PCSK6: variants seen among roughly 807,000 people sequenced by gnomAD.
PCSK6 encodes paired basic amino acid cleaving enzyme 4.
Under a neutral mutation model 123.3 loss-of-function variants are expected in PCSK6, and 85 were observed. The observed-to-expected ratio is 0.69, with a 90% CI of 0.58 to 0.83. PCSK6 has a LOEUF of 0.83. Among genes scored for constraint, PCSK6 ranks in the 40% least tolerant of loss-of-function variants. The pLI, the probability that PCSK6 is intolerant of heterozygous loss-of-function variation, is 0.00. For synonymous variants in PCSK6, 508 were observed against 516.0 expected, an observed-to-expected ratio of 0.98 and a Z score of 0.21; for missense variants, 1,191 against 1,282.3, an observed-to-expected ratio of 0.93 and a Z score of 1.09.
intron 20 of PCSK6, chr15:101,313,064 T>C (rs1246176545): frequency 2.3e-6 from 3 of 1,289,594 alleles, no homozygotes; most frequent in East Asian, 7.8e-5. Flanking sequence ...GTGCAAAGGA[T>C]GCATGCTGAG....
intron 8 of PCSK6, 107 bp downstream of exon 8, chr15:101,393,105 C>G: frequency 2.1e-6 from 2 of 950,972 alleles, no homozygotes; most frequent in Admixed American, 4.0e-5. Flanking sequence ...GGATCCGGAA[C>G]AATCTGGCCT....
chr15:101,489,466 C>A lies in PCSK6; in HGVS notation c.205G>T (p.Val69Phe), dbSNP rs1261841430. 1.1e-5 allele frequency: 12 copies of A among 1,105,990 alleles called. No homozygotes were observed. In the East Asian group the frequency reaches 6.2e-4, roughly 57 times the overall value. The allele number at this position is 1,105,990 out of a possible 1,614,324, so 68.5% of individuals were successfully genotyped here. A position where few individuals can be genotyped will look rare whatever the true frequency, so the allele number is the denominator to read the frequency against. ...AACSAPPPRP[V>F]YTNHWAVQVL... ...TGCACCGCCCAGTGGTTGGTGTAGA[C>A]GGGGCGCGGCGGGGGCGCGGAGCAG... The change falls in exon 1 of 22, where the codon GTC (valine) becomes TTC (phenylalanine). Residue 69 changes from valine to phenylalanine, a missense_variant. Physicochemically the swap from Val to Phe is conservative, Grantham distance 50. Coordinates refer to ENST00000611716, the MANE Select transcript of PCSK6 (RefSeq NM_002570.5).
intron 9 of PCSK6, among the ~76,000 whole-genome samples, chr15:101,388,470 C>T (rs1434078699): frequency 2.6e-5 from 4 of 152,266 alleles, no homozygotes; most frequent in South Asian, 4.1e-4. Context: ...ACTCCATGTG[C>T]GGTTAACTTG....
intron 12 of PCSK6, among the ~76,000 whole-genome samples, chr15:101,369,840 C>T (rs1217333005): frequency 6.6e-6 from 1 of 152,192 alleles, no homozygotes; most frequent in Non-Finnish European, 1.5e-5. Context: ...CCCCACATAC[C>T]ACCCGAGCCT....
chr15:101,325,046 C>A lies in PCSK6; in HGVS notation c.2181G>T (p.Arg727Ser), dbSNP rs2040219156. 1 of 1,601,476 alleles carries A rather than the reference C, an allele frequency of 6.2e-7. No individual in the cohort carries two copies. The highest frequency in any genetic ancestry group is 1.7e-5 in the Admixed American group (1 of 59,568). The stretch of plus-strand genomic sequence containing the variant: ...CCAAGGGGCACACACTCACGCACTT[C>A]CTGTAGGAGCAAAGGCAGGAGGGTG... ...HFSLGSVKTS[R>S]KCVSVCPLGY... The change falls in exon 17 of 22, where the codon AGG (arginine) becomes AGT (serine). Residue 727 changes from arginine (R) to serine (S), a missense_variant and splice_region_variant. Physicochemically the swap from Arg to Ser is moderately radical, Grantham distance 110 (BLOSUM62 -1). Around this residue, in one of 3 missense-constraint regions of PCSK6, gnomAD observed 630 missense variants for 631.4 expected, o/e 1.00. Transcript: ENST00000611716.
chr15:101,363,926 C>T (rs2041312844), intron 13 of PCSK6, among the ~76,000 whole-genome samples: 1 of 152,106 alleles, frequency 6.6e-6, no homozygotes, highest in Non-Finnish European at 1.5e-5. Flanking sequence ...GCATGAGCCA[C>T]CGCGCCCAGC....
At chr15:101,416,242 C>A (rs994989498) in intron 6 of PCSK6, among the ~76,000 whole-genome samples, 2 of 152,214 alleles carry the variant, frequency 1.3e-5, no homozygotes, top group African/African-American at 4.8e-5. Flanking sequence ...GCAAAGGTGA[C>A]TCTTGTTATG....
intron 6 of PCSK6, among the ~76,000 whole-genome samples, chr15:101,427,099 G>A (rs549036055): frequency 1.3e-5 from 2 of 152,172 alleles, no homozygotes; most frequent in Admixed American, 6.5e-5. Context: ...CCGGGCTCCC[G>A]TGGGGAATAG....
chr15:101,389,549 GCA>G lies in PCSK6; in HGVS notation c.1223_1224del (p.Leu408ProfsTer63). On this transcript the variant is annotated frameshift_variant, in exon 9 of 22. Transcript: ENST00000611716. LOFTEE classifies it high-confidence loss of function. ...GTGTGGCCATCGGTACAGCGCTGAC[GCA>G]GATCCGTGGTGACCTGGGGGAGAGA... Reference protein sequence around the residue: ...FYERKIVTTDLRQRCTDGHTG... With the variant: ...FYERKIVTTDXRQRCTDGHTG... 1.2e-6 allele frequency: 2 copies of G among 1,612,588 alleles called. No individual in the cohort carries two copies. Among genetic ancestry groups the G allele is most frequent in the Non-Finnish European group, 1.7e-6 (2 of 1,178,944 alleles).
intron 13 of PCSK6, chr15:101,334,167 A>G (rs2040426655): frequency 6.6e-6 from 1 of 152,180 alleles, no homozygotes; most frequent in Non-Finnish European, 1.5e-5. Flanking sequence ...GTGTGGTGAC[A>G]GCGACACAGG....
At position 101,318,323 on chromosome 15, in the gene PCSK6, G is replaced by A. The variant is rs558288815; in HGVS notation, c.2565C>T (p.Cys855=). The change falls in exon 19 of 22, where the codon TGC becomes TGT. Residue 855 remains cysteine (C), a synonymous_variant. Coordinates refer to ENST00000611716, the MANE Select transcript of PCSK6 (RefSeq NM_002570.5). ...CGECHHTCGT[C]VGPGREECIH... ...CTCCGCAGGCGGTGAACTCACCCACGCAGGTTCCGCAGGTGTGATGGCATT... is the reference window on the plus strand; with the variant it reads ...CTCCGCAGGCGGTGAACTCACCCACACAGGTTCCGCAGGTGTGATGGCATT... 8 of 1,555,308 alleles carry A rather than the reference G, an allele frequency of 5.1e-6. No homozygotes were observed. The African/African-American group carries it at 5.5e-5, about 11-fold the overall frequency.
intron 6 of PCSK6, among the ~76,000 whole-genome samples, chr15:101,423,856 A>G (rs1033050390): frequency 8.5e-5 from 13 of 152,226 alleles, no homozygotes; most frequent in Non-Finnish European, 1.5e-4. Context: ...TGGAATTAAT[A>G]CGAAGAAAAC....
At chr15:101,314,263 G>A (rs920294985) in intron 19 of PCSK6, among the ~76,000 whole-genome samples, 12 of 152,224 alleles carry the variant, frequency 7.9e-5, no homozygotes, top group Admixed American at 2.0e-4. Flanking sequence ...CTCAGGGTCC[G>A]AGGAGGACCT....
Position 101,307,331 on chromosome 15 carries a change from G to A in PCSK6, c.2700-6C>T. Reference sequence around the variant, plus strand: ...TCAAGCAGTTCTCGTCACACCTGTGGGAAGATACCGTTCCTGCTGAAGTCT... The same window carrying A: ...TCAAGCAGTTCTCGTCACACCTGTGAGAAGATACCGTTCCTGCTGAAGTCT... On this transcript the variant is annotated splice_polypyrimidine_tract_variant and splice_region_variant and intron_variant, in intron 20 of 21. Transcript: ENST00000611716. The A allele has an allele frequency of 6.2e-7, 1 of 1,605,224 alleles. No individual in the cohort carries two copies.
At position 101,324,100 on chromosome 15, in the gene PCSK6, C is replaced by T. The variant is rs146793497; in HGVS notation, c.2377+750G>A. ...ACACCTGGCCTTGCGGCTCTGAGTC[C>T]GAGTCCCACCTCCATCATGACTAGT... On this transcript the variant is annotated intron_variant, in intron 17 of 21. Coordinates refer to ENST00000611716, the MANE Select transcript of PCSK6 (RefSeq NM_002570.5). Among the ~76,000 whole-genome samples the T allele has an allele frequency of 4.0e-3, 615 of 152,364 alleles. 1 individual carries two copies. The highest frequency in any genetic ancestry group is 7.2e-3 in the Non-Finnish European group (492 of 68,030).
intron 6 of PCSK6, among the ~76,000 whole-genome samples, chr15:101,404,604 G>A (rs2042713562): frequency 1.3e-5 from 2 of 152,204 alleles, no homozygotes; most frequent in African/African-American, 4.8e-5. Context: ...GAGTCCTGGG[G>A]TGTAATCTCG....
chr15:101,305,494 G>A lies in PCSK6; in HGVS notation c.2813-139C>T, dbSNP rs2039702983. 1.5e-6 allele frequency: 1 copy of A among 652,980 alleles called. No homozygotes were observed. The highest frequency in any genetic ancestry group is 2.2e-5 in the Admixed American group (1 of 46,274). The allele number at this position is 652,980 out of a possible 1,614,324, so 40.4% of individuals were successfully genotyped here. On this transcript the variant is annotated intron_variant, in intron 21 of 21. Coordinates refer to ENST00000611716, the MANE Select transcript of PCSK6 (RefSeq NM_002570.5). This position sits in a 1 kb window ranked among gnomAD's most constrained non-coding sequence, Gnocchi z 4.8. ...AGGCCGAGGTGGGTGGATCACCTGA[G>A]GTCAGGAGCTTGAGACCAGTCTAAC...
At chr15:101,467,688 G>T (rs562937227) in intron 1 of PCSK6, among the ~76,000 whole-genome samples, 1 of 152,340 alleles carries the variant, frequency 6.6e-6, no homozygotes, top group African/African-American at 2.4e-5. Flanking sequence ...GAGAACCACA[G>T]CTAAGCTGGG....
intron 6 of PCSK6, among the ~76,000 whole-genome samples, chr15:101,413,635 C>T (rs1037136146): frequency 7.2e-5 from 11 of 151,906 alleles, no homozygotes; most frequent in Admixed American, 3.3e-4. Flanking sequence ...GACAGCAGAC[C>T]GGGGGGCTAC....
Sources: allele counts gnomAD v4.1 joint callset (sites outside exome capture counted in the v4.1 genomes callset), GRCh38; gene constraint gnomAD v4.1.1; regional missense constraint gnomAD v4.1.1; non-coding constraint Gnocchi (gnomAD v3.1); transcripts MANE v1.5; gene names NCBI Gene and HGNC (gene_info 2026-07-23, HGNC 2026-07-21).